PFKM: variants seen among roughly 807,000 people sequenced by gnomAD.
PFKM encodes ATP-dependent 6-phosphofructokinase, muscle type.
In PFKM, 58 loss-of-function variants were observed where a neutral mutation model predicts 95.5. That is an observed-to-expected ratio of 0.61 (90% CI 0.49 to 0.76). PFKM has a LOEUF of 0.76. PFKM is among the 30% of genes least tolerant of loss of function. The pLI is 0.00. For missense variants in PFKM, 678 were observed against 1,005.4 expected (o/e 0.67, Z 4.40); for synonymous variants, 336 against 357.2 (o/e 0.94, Z 0.67).
At position 48,106,380 on chromosome 12, in the gene PFKM, C is replaced by T. The variant is rs1023735497; in HGVS notation, c.-10+243C>T. On this transcript the variant is annotated intron_variant, in intron 1 of 24. Transcript: ENST00000340802. ...TCCCTTACCCGCCGCCTTCTGGTTC[C>T]GCCCGGCGAGTTTTGCTTGCTTGCG... The T allele has an allele frequency of 1.1e-5, 5 of 470,546 alleles. No homozygotes were observed. In the Admixed American group the frequency reaches 1.6e-4, roughly 15 times the overall value. The allele number at this position is 470,546 out of a possible 1,614,324, so 29.1% of individuals were successfully genotyped here.
At chr12:48,117,096 T>C (rs548085930), upstream of PFKM, among the ~76,000 whole-genome samples, 1 of 152,242 alleles carries the variant, frequency 6.6e-6, no homozygotes, top group East Asian at 1.9e-4. Flanking sequence ...TTTTCCAGAC[T>C]GTCATACAGT....
chr12:48,107,285 G>C, intron 1 of PFKM: 1 of 854,818 alleles, frequency 1.2e-6, no homozygotes, highest in Non-Finnish European at 2.0e-6. Flanking sequence ...GTAGTCATGA[G>C]TGTAGCTGGT....
chr12:48,137,108 C>G (rs1950174752), intron 10 of PFKM, among the ~76,000 whole-genome samples: 1 of 149,982 alleles, frequency 6.7e-6, no homozygotes, highest in African/African-American at 2.5e-5. Flanking sequence ...ATCACCCAGG[C>G]TAGAGTGCAG....
At chr12:48,135,201 T>C (rs1412869242) in intron 9 of PFKM, 90 bp from the exon 10 acceptor site, 2 of 1,233,430 alleles carry the variant, frequency 1.6e-6, no homozygotes, top group Admixed American at 3.4e-5. Context: ...GACAAGAGGC[T>C]GAGCTGTCCA....
chr12:48,134,345 T>A, intron 7 of PFKM, 69 bp downstream of exon 7: 16 of 1,283,328 alleles, frequency 1.2e-5, no homozygotes, highest in Non-Finnish European at 1.8e-5. Context: ...CCCCAGAGAG[T>A]CCAGTGAGGT....
chr12:48,134,819 G>T lies in PFKM; in HGVS notation c.737G>T (p.Arg246Leu), dbSNP rs1202154554. ...GACTGGGAGGAACACCTTTGTCGCCGACTCAGCGAGGTACTTGCACTTTAT... is the reference window on the plus strand; with the variant it reads ...GACTGGGAGGAACACCTTTGTCGCCTACTCAGCGAGGTACTTGCACTTTAT... Reference protein sequence around the residue: ...DDDWEEHLCRRLSETRTRGSR... With the variant: ...DDDWEEHLCRLLSETRTRGSR... The change falls in exon 8 of 23, where the codon CGA becomes CTA. Residue 246 changes from arginine to leucine, a missense_variant. Transcript: ENST00000359794. 6.2e-7 allele frequency: 1 copy of T among 1,613,154 alleles called. No individual in the cohort carries two copies. Among genetic ancestry groups the T allele is most frequent in the Non-Finnish European group, 8.5e-7 (1 of 1,179,146 alleles).
upstream of PFKM, among the ~76,000 whole-genome samples, chr12:48,118,070 G>A (rs1947833534): frequency 6.6e-6 from 1 of 152,188 alleles, no homozygotes; most frequent in South Asian, 2.1e-4. Flanking sequence ...AGGTTTCAGA[G>A]AATAGATTGT....
rs1354926615 is a variant in PFKM at position 48,106,303 on chromosome 12, C to G, written c.-10+166C>G. 4.2e-5 allele frequency: 25 copies of G among 591,796 alleles called. 1 individual carries two copies. The South Asian group carries it at 4.8e-4, about 11-fold the overall frequency. The allele number at this position is 591,796 out of a possible 1,614,324, so 36.7% of individuals were successfully genotyped here. A position where few individuals can be genotyped will look rare whatever the true frequency, so the allele number is the denominator to read the frequency against. The stretch of plus-strand genomic sequence containing the variant: ...CTGGGCTTTTTCGCTTTCTCGTACT[C>G]GGAATACTGTTAGTGAGCCCTTCGT... On this transcript the variant is annotated intron_variant, in intron 1 of 24. Transcript: ENST00000340802.
chr12:48,139,997 C>T, intron 13 of PFKM, 85 bp downstream of exon 13: 1 of 905,858 alleles, frequency 1.1e-6, no homozygotes, highest in Non-Finnish European at 1.8e-6. Flanking sequence ...GTCCATACAA[C>T]ATAAGCCTTG....
chr12:48,131,810 C>T (rs536267013), intron 4 of PFKM: 6 of 359,116 alleles, frequency 1.7e-5, no homozygotes, highest in East Asian at 1.5e-4. Flanking sequence ...ACTTAAAGGA[C>T]GAAGGAACTG....
chr12:48,146,188 T>TAAAG lies in PFKM; in HGVS notation c.*482_*485dup. 5.1e-6 allele frequency: 1 copy of TAAAG among 194,522 alleles called. No individual in the cohort carries two copies. The highest frequency in any genetic ancestry group is 1.1e-5 in the Non-Finnish European group (1 of 92,460). The allele number at this position is 194,522 out of a possible 1,614,324, so 12.0% of individuals were successfully genotyped here. A position where few individuals can be genotyped will look rare whatever the true frequency, so the allele number is the denominator to read the frequency against. ...ATCAGACACTTGTCTGATGAAGCAG[T>TAAAG]AAAGACGTTAAGGGTATCACAGGGG... On this transcript the variant is annotated 3_prime_UTR_variant, in exon 23 of 23. Coordinates refer to ENST00000359794, the MANE Select transcript of PFKM (RefSeq NM_000289.6).
chr12:48,127,235 G>A (rs1948950796), intron 2 of PFKM, among the ~76,000 whole-genome samples: 1 of 146,110 alleles, frequency 6.8e-6, no homozygotes, highest in African/African-American at 2.4e-5. Context: ...TTTTATCATG[G>A]AACCCCCCTT....
intron 1 of PFKM, chr12:48,107,252 A>T: frequency 1.4e-6 from 1 of 693,938 alleles, no homozygotes; most frequent in Non-Finnish European, 2.6e-6. Flanking sequence ...CTTTTATATT[A>T]TATTGTCAAG....
chr12:48,134,411 T>C, intron 7 of PFKM, 135 bp downstream of exon 7: 1 of 801,540 alleles, frequency 1.2e-6, no homozygotes, highest in South Asian at 1.4e-5. Flanking sequence ...TGGTTCCCTT[T>C]CCGGCCTCCA....
intron 13 of PFKM, 61 bp from the exon 14 acceptor site, chr12:48,140,661 C>G: frequency 6.4e-7 from 1 of 1,569,312 alleles, no homozygotes; most frequent in Non-Finnish European, 8.8e-7. Context: ...CCTTTACTAA[C>G]CTCCTCCCTG....
intron 2 of PFKM, among the ~76,000 whole-genome samples, chr12:48,126,697 A>G (rs895835156): frequency 1.3e-5 from 2 of 152,206 alleles, no homozygotes; most frequent in Non-Finnish European, 2.9e-5. Context: ...GTTCCAACCT[A>G]TACATTTCAG....
rs1171008174 is a variant in PFKM, at chr12:48,134,098, G to A, written c.594-134G>A. 23 of 796,032 alleles carry A rather than the reference G, an allele frequency of 2.9e-5. No homozygotes were observed. The Middle Eastern group carries it at 7.1e-4, about 25-fold the overall frequency. 49.3% of individuals were successfully genotyped at this position (796,032 alleles called of 1,614,324 possible). On this transcript the variant is annotated intron_variant, in intron 6 of 22. Coordinates refer to ENST00000359794, the MANE Select transcript of PFKM (RefSeq NM_000289.6). ...AAAGTATTTCCCCTAGGTCTTCCTG[G>A]TCTCAGGAAGCCTGCTAGAAGGCCT...
At chr12:48,136,125 G>A (rs1950066693) in intron 10 of PFKM, among the ~76,000 whole-genome samples, 1 of 152,130 alleles carries the variant, frequency 6.6e-6, no homozygotes, top group Non-Finnish European at 1.5e-5. Context: ...CTGACCTTGT[G>A]ATCCACCCGC....
intron 4 of PFKM, among the ~76,000 whole-genome samples, chr12:48,132,570 C>T (rs1479991450): frequency 6.6e-6 from 1 of 152,204 alleles, no homozygotes; most frequent in Non-Finnish European, 1.5e-5. Context: ...ATTTGAGAAG[C>T]CAACATACAT....
Sources: gnomAD v4.1 joint callset for allele counts (sites outside exome capture counted in the v4.1 genomes callset) on GRCh38, gnomAD v4.1.1 for gene constraint, MANE v1.5 for transcripts, NCBI Gene and HGNC (gene_info 2026-07-23, HGNC 2026-07-21) for gene names.